JAZF1: variants seen among roughly 807,000 people sequenced by gnomAD.
JAZF1 encodes juxtaposed with another zinc finger protein 1.
Under a neutral mutation model 26.4 loss-of-function variants are expected in JAZF1, and 8 were observed. That is an observed-to-expected ratio of 0.30 (90% CI 0.18 to 0.55). JAZF1 has a LOEUF of 0.55. Ranked by LOEUF, JAZF1 falls within the 20% of genes least tolerant of loss-of-function variation. The pLI, the probability that JAZF1 is intolerant of heterozygous loss-of-function variation, is 0.94. For synonymous variants in JAZF1, 126 were observed against 122.3 expected, an observed-to-expected ratio of 1.03 and a Z score of -0.20; for missense variants, 199 against 322.0, an observed-to-expected ratio of 0.62 and a Z score of 2.92.
chr7:27,881,037 T>C (rs1783762290), intron 3 of JAZF1, among the ~76,000 whole-genome samples: 2 of 152,266 alleles, frequency 1.3e-5, no homozygotes, highest in Non-Finnish European at 2.9e-5. Context: ...GGTTTATTTA[T>C]GTTTCTGTAA....
chr7:27,932,876 T>C (rs1784706237), intron 2 of JAZF1, among the ~76,000 whole-genome samples: 1 of 152,236 alleles, frequency 6.6e-6, no homozygotes, highest in East Asian at 1.9e-4. Flanking sequence ...TTCATACTTA[T>C]AATTTTTTTA....
rs1299723197 is a variant in JAZF1 at position 28,095,699 on chromosome 7, A to G, written c.115+84764T>C. Among the ~76,000 whole-genome samples, 26 of 152,166 alleles carry G rather than the reference A, an allele frequency of 1.7e-4. 1 individual carries two copies. The highest frequency in any genetic ancestry group is 1.7e-3 in the Admixed American group (26 of 15,266). On this transcript the variant is annotated intron_variant, in intron 1 of 4. Transcript: ENST00000283928. ...AGCCTCTGCTGCCTTCCAACAGGTAATCATGGTCCCCTCCGCTGAACGTCA... is the reference window on the plus strand; with the variant it reads ...AGCCTCTGCTGCCTTCCAACAGGTAGTCATGGTCCCCTCCGCTGAACGTCA...
At chr7:27,862,865 C>G (rs1459841957) in intron 3 of JAZF1, among the ~76,000 whole-genome samples, 1 of 152,182 alleles carries the variant, frequency 6.6e-6, no homozygotes, top group East Asian at 1.9e-4. Flanking sequence ...TGAAATCATT[C>G]TTTTTTCTAG....
chr7:28,017,832 G>A (rs955580598), intron 1 of JAZF1, among the ~76,000 whole-genome samples: 1 of 152,180 alleles, frequency 6.6e-6, no homozygotes, highest in East Asian at 1.9e-4. Flanking sequence ...GGAGTGCAGT[G>A]GCACGATCTC....
At chr7:27,992,553 A>G (rs75725836) in intron 1 of JAZF1, among the ~76,000 whole-genome samples, 2,081 of 152,280 alleles carry the variant, frequency 0.014, 36 homozygotes, top group Non-Finnish European at 0.021. Flanking sequence ...CAAACACTAC[A>G]TTCACCAGAG....
intron 3 of JAZF1, chr7:27,846,467 G>A (rs1188251060): frequency 6.4e-6 from 3 of 470,614 alleles, no homozygotes; most frequent in Non-Finnish European, 1.3e-5. Flanking sequence ...TGGACAAGTT[G>A]GTTGTTTCCA....
intron 2 of JAZF1, among the ~76,000 whole-genome samples, chr7:27,930,258 G>A (rs1054379718): frequency 2.2e-4 from 33 of 152,186 alleles, no homozygotes; most frequent in African/African-American, 7.5e-4. Flanking sequence ...GCCTCCCAAA[G>A]TACTGGGATT....
intron 1 of JAZF1, among the ~76,000 whole-genome samples, chr7:28,044,544 A>T (rs143512929): frequency 1.5e-3 from 234 of 152,294 alleles, no homozygotes; most frequent in Middle Eastern, 0.01. Context: ...AAATTTTAAG[A>T]GTCTGCCCAC....
intron 2 of JAZF1, among the ~76,000 whole-genome samples, chr7:27,935,669 TA>T (rs1784754934): frequency 6.6e-6 from 1 of 152,216 alleles, no homozygotes; most frequent in African/African-American, 2.4e-5. Flanking sequence ...ATTATATACT[TA>T]AATATGTGAA....
intron 1 of JAZF1, among the ~76,000 whole-genome samples, chr7:28,173,480 A>C (rs933380270): frequency 1.3e-5 from 2 of 152,232 alleles, no homozygotes; most frequent in African/African-American, 4.8e-5. Flanking sequence ...TACATGTATT[A>C]TTTATATATG....
At chr7:28,015,033 A>ATGTGTGTG (rs397804972) in intron 1 of JAZF1, among the ~76,000 whole-genome samples, 2,875 of 140,754 alleles carry the variant, frequency 0.02, 36 homozygotes, top group Non-Finnish European at 0.03. Context: ...GAAAGTGTGT[A>ATGTGTGTG]TGTGTGTGTG....
chr7:28,022,904 G>A lies in JAZF1; in HGVS notation c.116-30923C>T, dbSNP rs1405610997. On this transcript the variant is annotated intron_variant, in intron 1 of 4. Coordinates refer to ENST00000283928, the MANE Select transcript of JAZF1 (RefSeq NM_175061.4). Reference sequence around the variant, plus strand: ...CCCGAGTAGCTGGGATTACAGGCACGTGCCACCATATTTCACTTTGTAAAA... The same window carrying A: ...CCCGAGTAGCTGGGATTACAGGCACATGCCACCATATTTCACTTTGTAAAA... 2.6e-5 allele frequency among the ~76,000 whole-genome samples: 4 copies of A among 152,240 alleles called. No homozygotes were observed. In the East Asian group the frequency reaches 5.8e-4, roughly 22 times the overall value.
intron 2 of JAZF1, among the ~76,000 whole-genome samples, chr7:27,937,544 G>A (rs1409320836): frequency 1.3e-5 from 2 of 152,040 alleles, no homozygotes; most frequent in East Asian, 1.9e-4. Context: ...TCTCCTTTAA[G>A]AGCATATGTG....
intron 1 of JAZF1, among the ~76,000 whole-genome samples, chr7:28,016,227 C>G (rs537229155): frequency 1.3e-5 from 2 of 152,316 alleles, no homozygotes; most frequent in Admixed American, 1.3e-4. Flanking sequence ...AGCAATGCCT[C>G]TGAGGTCAGC....
intron 1 of JAZF1, among the ~76,000 whole-genome samples, chr7:28,150,565 G>C (rs1783097248): frequency 6.6e-6 from 1 of 152,218 alleles, no homozygotes; most frequent in African/African-American, 2.4e-5. Context: ...CATTGCATGA[G>C]GACCGGTGGG....
chr7:28,021,429 G>T (rs1270011295), intron 1 of JAZF1, among the ~76,000 whole-genome samples: 1 of 152,154 alleles, frequency 6.6e-6, no homozygotes, highest in Non-Finnish European at 1.5e-5. Flanking sequence ...TGAAAATTCT[G>T]ACTTAATGAT....
At chr7:27,914,512 A>G (rs1279949714) in intron 2 of JAZF1, among the ~76,000 whole-genome samples, 2 of 152,116 alleles carry the variant, frequency 1.3e-5, no homozygotes, top group Non-Finnish European at 1.5e-5. Context: ...AGGTTTATAT[A>G]AATTGTGGCA....
chr7:28,103,482 G>A (rs1386758092), intron 1 of JAZF1, among the ~76,000 whole-genome samples: 5 of 152,052 alleles, frequency 3.3e-5, no homozygotes, highest in Non-Finnish European at 7.3e-5. Flanking sequence ...ATTGCCCACT[G>A]AAGATTATCA....
chr7:28,129,321 C>T (rs974400832), intron 1 of JAZF1, among the ~76,000 whole-genome samples: 2 of 152,042 alleles, frequency 1.3e-5, no homozygotes, highest in Non-Finnish European at 2.9e-5. Flanking sequence ...AAGACAGCTA[C>T]ACATGGACAA....
Sources: gnomAD v4.1 joint callset for allele counts (sites outside exome capture counted in the v4.1 genomes callset) on GRCh38, gnomAD v4.1.1 for gene constraint, MANE v1.5 for transcripts, NCBI Gene and HGNC (gene_info 2026-07-23, HGNC 2026-07-21) for gene names.